The following TSEN2 variants were observed in gnomAD, a reference collection of about 807,000 sequenced individuals.
The protein encoded by TSEN2 is tRNA splicing endonuclease subunit 2.
TSEN2 carries 54 observed loss-of-function variants against 59.2 expected under a neutral mutation model. The observed-to-expected ratio is 0.91, with a 90% confidence interval of 0.73 to 1.14. The LOEUF is 1.14. TSEN2 is among the 50% of genes most tolerant of loss of function. The probability of loss-of-function intolerance (pLI) is 0.00; values close to 1 mark genes in which losing one functional copy is unlikely to be tolerated. For missense variants in TSEN2, 636 were observed against 576.2 expected, an observed-to-expected ratio of 1.10 and a Z score of -1.06; for synonymous variants, 195 against 198.2, an observed-to-expected ratio of 0.98 and a Z score of 0.14.
intron 6 of TSEN2, chr3:12,506,930 C>G: frequency 3.2e-6 from 3 of 926,502 alleles, no homozygotes; most frequent in South Asian, 5.0e-5. Flanking sequence ...CGCCGTGGCT[C>G]ACACCTGTAA....
intron 6 of TSEN2, among the ~76,000 whole-genome samples, chr3:12,508,463 A>T (rs778670323): frequency 6.6e-6 from 1 of 152,090 alleles, no homozygotes; most frequent in Non-Finnish European, 1.5e-5. Context: ...CACTGCATGT[A>T]CCCGCGGAGT....
At chr3:12,499,733 G>A (rs2054104140) in intron 4 of TSEN2, among the ~76,000 whole-genome samples, 1 of 152,190 alleles carries the variant, frequency 6.6e-6, no homozygotes, top group Non-Finnish European at 1.5e-5. Context: ...TATCGTGCCA[G>A]TGATGGGCCT....
At chr3:12,508,085 G>A (rs1264292051) in intron 6 of TSEN2, among the ~76,000 whole-genome samples, 2 of 152,192 alleles carry the variant, frequency 1.3e-5, no homozygotes, top group Non-Finnish European at 2.9e-5. Context: ...AGTGACCAGA[G>A]CTAGCATCAG....
At chr3:12,527,442 T>G (rs1284656344) in intron 8 of TSEN2, among the ~76,000 whole-genome samples, 3 of 151,444 alleles carry the variant, frequency 2.0e-5, no homozygotes, top group Non-Finnish European at 1.5e-5. Flanking sequence ...CTTGAACTTT[T>G]CTTTTTTTTT....
intron 5 of TSEN2, among the ~76,000 whole-genome samples, chr3:12,504,529 A>G (rs929645381): frequency 6.6e-6 from 1 of 152,154 alleles, no homozygotes; most frequent in Admixed American, 6.5e-5. Flanking sequence ...GCTGGGCAAC[A>G]GTGAGACACT....
intron 5 of TSEN2, among the ~76,000 whole-genome samples, 174 bp from the exon 6 acceptor site, chr3:12,504,980 A>G (rs960864681): frequency 6.6e-5 from 10 of 152,192 alleles, no homozygotes; most frequent in Admixed American, 2.6e-4. Context: ...CAGCCTGGGC[A>G]ATAGAGCAAG....
intron 7 of TSEN2, 95 bp downstream of exon 7, chr3:12,516,756 C>A: frequency 8.3e-7 from 1 of 1,206,240 alleles, no homozygotes; most frequent in Non-Finnish European, 1.2e-6. Context: ...ACAAATGTTT[C>A]TACTCTTACT....
At position 12,532,884 on chromosome 3, in the gene TSEN2, A is replaced by G. The variant is rs941618556; in HGVS notation, c.*163A>G. The G allele has an allele frequency of 2.8e-6, 2 of 715,356 alleles. No homozygotes were observed. The highest frequency in any genetic ancestry group is 3.6e-5 in the African/African-American group (2 of 56,298). 44.3% of individuals were successfully genotyped at this position (715,356 alleles called of 1,614,324 possible). ...TTTTTAAAGATAAATTACACAAGGG[A>G]GGAGAAAGATCCCTGTGCTAGGACT... On this transcript the variant is annotated 3_prime_UTR_variant, in exon 12 of 12. Coordinates refer to ENST00000284995, the MANE Select transcript of TSEN2 (RefSeq NM_025265.4).
intron 5 of TSEN2, among the ~76,000 whole-genome samples, chr3:12,504,314 G>A (rs2125054062): frequency 6.6e-6 from 1 of 152,302 alleles, no homozygotes; most frequent in South Asian, 2.1e-4. Flanking sequence ...AGGTGCAGTG[G>A]CTCACACCTG....
intron 7 of TSEN2, among the ~76,000 whole-genome samples, chr3:12,517,444 T>G (rs1407295947): frequency 6.6e-6 from 1 of 151,880 alleles, no homozygotes; most frequent in East Asian, 1.9e-4. Context: ...CTAGTCTGGT[T>G]AGAATAAATA....
At chr3:12,525,112 C>A (rs1400881539) in intron 8 of TSEN2, among the ~76,000 whole-genome samples, 3 of 152,036 alleles carry the variant, frequency 2.0e-5, no homozygotes, top group Admixed American at 2.0e-4. Context: ...TTTTCGAAGT[C>A]TTTTAGGATG....
At chr3:12,484,381 C>G (rs1239042802), upstream of TSEN2, 1 of 152,276 alleles carries the variant, frequency 6.6e-6, no homozygotes, top group African/African-American at 2.4e-5. Context: ...CGTGCGCAGG[C>G]GCACTCCGCC....
At chr3:12,481,936 T>C (rs1390671512), upstream of TSEN2, among the ~76,000 whole-genome samples, 2 of 151,694 alleles carry the variant, frequency 1.3e-5, no homozygotes, top group African/African-American at 4.8e-5. Context: ...TATATATATA[T>C]ATATATGTAG....
In TSEN2 at chr3:12,514,763, C is replaced by A. The variant is rs1012868304; in HGVS notation, c.910-1848C>A. The A allele has an allele frequency of 2.6e-5, 4 of 152,132 alleles. No homozygotes were observed. The South Asian group carries it at 8.3e-4, about 32-fold the overall frequency. 9.4% of individuals were successfully genotyped at this position (152,132 alleles called of 1,614,324 possible). A position where few individuals can be genotyped will look rare whatever the true frequency, so the allele number is the denominator to read the frequency against. The stretch of plus-strand genomic sequence containing the variant: ...GGAACAATGCAGAGATTAGTATGAC[C>A]CCTGCCCACGGATGACACAAGTTTG... On this transcript the variant is annotated intron_variant, in intron 6 of 11. Transcript: ENST00000284995.
At chr3:12,529,038 T>A in intron 9 of TSEN2, 114 bp downstream of exon 9, 1 of 1,007,636 alleles carries the variant, frequency 9.9e-7, no homozygotes, top group South Asian at 1.3e-5. Context: ...CCTGGCCTGA[T>A]ACGAATAGAT....
intron 7 of TSEN2, among the ~76,000 whole-genome samples, chr3:12,518,431 C>T (rs1211993538): frequency 6.6e-6 from 1 of 152,142 alleles, no homozygotes. Flanking sequence ...CTTCCTCTGC[C>T]TGGAATGTCC....
chr3:12,515,135 C>T (rs2055925692), intron 6 of TSEN2: 1 of 152,216 alleles, frequency 6.6e-6, no homozygotes, highest in South Asian at 2.1e-4. Flanking sequence ...CCTTTGAGAA[C>T]TGCTGCTATG....
Position 12,519,281 on chromosome 3 carries a change from T to G in TSEN2, c.1099+84T>G, listed in dbSNP as rs1391482938. 5.1e-6 allele frequency: 8 copies of G among 1,558,552 alleles called. No homozygotes were observed. The Admixed American group carries it at 1.2e-4, about 23-fold the overall frequency. On this transcript the variant is annotated intron_variant, in intron 8 of 11. Transcript: ENST00000284995. ...AATATCAAATTGATCTTGTGTGCTG[T>G]TGATGATGTTTTCTAAGAAGGTATC...
At chr3:12,508,067 G>C (rs887542814) in intron 6 of TSEN2, among the ~76,000 whole-genome samples, 2 of 152,154 alleles carry the variant, frequency 1.3e-5, no homozygotes, top group Non-Finnish European at 2.9e-5. Context: ...ATTCCGTAGG[G>C]GAGTGGCAGT....
Sources: gnomAD v4.1 joint callset for allele counts (sites outside exome capture counted in the v4.1 genomes callset) on GRCh38, gnomAD v4.1.1 for gene constraint, MANE v1.5 for transcripts, NCBI Gene and HGNC (gene_info 2026-07-23, HGNC 2026-07-21) for gene names.